The following RBM12 variants were observed in gnomAD, a reference collection of about 807,000 sequenced individuals.
The protein encoded by RBM12 is RNA-binding protein 12.
A neutral mutation model predicts 37.2 loss-of-function variants in RBM12; 24 were observed. The observed-to-expected ratio is 0.65, with a 90% CI of 0.47 to 0.91. RBM12 has a LOEUF of 0.91. Ranked by LOEUF, RBM12 falls within the 40% of genes least tolerant of loss-of-function variation. RBM12 has a pLI of 0.00. For synonymous variants in RBM12, 420 were observed against 425.2 expected (o/e 0.99, Z 0.15); for missense variants, 1,061 against 1,183.2 (o/e 0.90, Z 1.52).
rs1362703326 is a variant in RBM12 at position 35,650,120 on chromosome 20, T to G, written c.*2404A>C. The G allele has an allele frequency of 6.6e-6, 1 of 152,622 alleles. No individual in the cohort carries two copies. The highest frequency in any genetic ancestry group is 1.5e-5 in the Non-Finnish European group (1 of 68,008). The allele number at this position is 152,622 out of a possible 1,614,324, so 9.5% of individuals were successfully genotyped here. On this transcript the variant is annotated 3_prime_UTR_variant, in exon 3 of 3. Coordinates refer to ENST00000374114, the MANE Select transcript of RBM12 (RefSeq NM_006047.6). ...TATCCTTAGCAGTTAGCACTGTTAA[T>G]AAATCTCAGATACACAAAAATCAAG... is the stretch of plus-strand genomic sequence containing the variant.
intron 1 of RBM12, among the ~76,000 whole-genome samples, chr20:35,661,779 G>A (rs1163623583): frequency 6.6e-6 from 1 of 152,122 alleles, no homozygotes; most frequent in Non-Finnish European, 1.5e-5. Context: ...AAACTAAAAC[G>A]ACTATTTTCA....
At position 35,654,310 on chromosome 20, in the gene RBM12, T is replaced by C; in HGVS notation, c.1013A>G (p.His338Arg). The C allele has an allele frequency of 6.2e-7, 1 of 1,614,192 alleles. No homozygotes were observed. The highest frequency in any genetic ancestry group is 8.5e-7 in the Non-Finnish European group (1 of 1,180,028). The stretch of plus-strand genomic sequence containing the variant: ...TCCATTCCCATTATTTCGACCTACA[T>C]GATCTTTCAACAAATGCACTGCATC... ...RVDAVHLLKD[H>R]VGRNNGNGLV... The change falls in exon 3 of 3, where the codon CAT (histidine) becomes CGT (arginine). Residue 338 changes from histidine to arginine, a missense_variant. By Grantham distance (29) the His-to-Arg change is conservative. This residue lies in a region of RBM12 where 540 missense variants were observed against 632.7 expected (regional missense o/e 0.85). Transcript: ENST00000374114.
At position 35,652,527 on chromosome 20, in the gene RBM12, C is replaced by T; in HGVS notation, c.2796G>A (p.Gly932=). ...IGSRKVKLVL[G] is the part of the protein sequence containing the mutation. ...CTATAAAAAATGATGTGAATGGCTA[C>T]CCTAATACAAGTTTTACTTTTCTTG... The change falls in exon 3 of 3, where the codon GGG becomes GGA. Residue 932 remains glycine, a synonymous_variant. Coordinates refer to ENST00000374114, the MANE Select transcript of RBM12 (RefSeq NM_006047.6). The T allele has an allele frequency of 6.2e-7, 1 of 1,609,872 alleles. No homozygotes were observed. The highest frequency in any genetic ancestry group is 1.1e-5 in the South Asian group (1 of 90,472).
chr20:35,655,947 A>T (rs1221094868), intron 2 of RBM12, among the ~76,000 whole-genome samples: 1 of 152,206 alleles, frequency 6.6e-6, no homozygotes, highest in African/African-American at 2.4e-5. Context: ...ATTCATCCTA[A>T]AACTTTTCAA....
At chr20:35,659,944 G>A (rs1295441497) in intron 1 of RBM12, among the ~76,000 whole-genome samples, 1 of 152,090 alleles carries the variant, frequency 6.6e-6, no homozygotes, top group Non-Finnish European at 1.5e-5. Context: ...TTTTCCAAAT[G>A]ATGCTCATCT....
intron 1 of RBM12, among the ~76,000 whole-genome samples, chr20:35,661,666 A>G (rs1180970042): frequency 6.6e-6 from 1 of 152,228 alleles, no homozygotes; most frequent in Non-Finnish European, 1.5e-5. Context: ...AATTTAACAT[A>G]TTATGGCAAG....
At chr20:35,660,707 T>C (rs2034184663) in intron 1 of RBM12, among the ~76,000 whole-genome samples, 2 of 152,216 alleles carry the variant, frequency 1.3e-5, no homozygotes, top group Non-Finnish European at 2.9e-5. Flanking sequence ...AGGGTAACTT[T>C]CTAGTTTCTA....
Position 35,652,805 on chromosome 20 carries a change from T to C in RBM12, c.2518A>G (p.Ile840Val), listed in dbSNP as rs1227214414. Residue 840 changes from isoleucine to valine, a missense_variant, in exon 3 of 3, where the codon ATT (isoleucine) becomes GTT (valine). Physicochemically the swap from Ile to Val is conservative, Grantham distance 29. Transcript: ENST00000374114. ...GATGCAAAGCCAGGGGGACCACCAATATGGATTGGGCCAGGGCCGGGGCCG... is the reference window on the plus strand; with the variant it reads ...GATGCAAAGCCAGGGGGACCACCAACATGGATTGGGCCAGGGCCGGGGCCG... ...GPGPGPGPIH[I>V]GGPPGFASSS... 1.2e-6 allele frequency: 2 copies of C among 1,608,252 alleles called. No homozygotes were observed. The highest frequency in any genetic ancestry group is 2.7e-5 in the African/African-American group (2 of 74,698).
intron 1 of RBM12, among the ~76,000 whole-genome samples, chr20:35,662,979 T>C (rs1418275906): frequency 1.3e-5 from 2 of 152,230 alleles, no homozygotes; most frequent in East Asian, 1.9e-4. Context: ...TCACATTTAA[T>C]CGAGCATATA....
At chr20:35,662,482 A>G (rs2034284867) in intron 1 of RBM12, among the ~76,000 whole-genome samples, 1 of 152,236 alleles carries the variant, frequency 6.6e-6, no homozygotes, top group South Asian at 2.1e-4. Context: ...CCTTTACTCC[A>G]TGAACATTTA....
At chr20:35,664,331 A>C (rs1169046099) in intron 1 of RBM12, 1 of 152,270 alleles carries the variant, frequency 6.6e-6, no homozygotes, top group Non-Finnish European at 1.5e-5. Context: ...GGGTTGAAGG[A>C]GTGTCCTCAC....
chr20:35,662,666 T>C (rs1046761842), intron 1 of RBM12, among the ~76,000 whole-genome samples: 2 of 152,214 alleles, frequency 1.3e-5, no homozygotes, highest in African/African-American at 4.8e-5. Context: ...AATGGCTCTC[T>C]GCAAAATGGA....
chr20:35,654,075 C>T lies in RBM12; in HGVS notation c.1248G>A (p.Gly416=), dbSNP rs146839021. The change falls in exon 3 of 3, where the codon GGG becomes GGA. Residue 416 remains glycine, a synonymous_variant. Transcript: ENST00000374114. The stretch of plus-strand genomic sequence containing the variant: ...GTGATCTTGACCTTGATCTTTTCTG[C>T]CCACTGGGCGATTTTGACCTGGGAA... The part of the protein sequence containing the change: ...QTLPRSKSPS[G]QKRSRSRSPH... 1.2e-6 allele frequency: 2 copies of T among 1,614,068 alleles called. No homozygotes were observed. The highest frequency in any genetic ancestry group is 2.7e-5 in the African/African-American group (2 of 74,916).
rs1470267944 is a variant in RBM12 at position 35,653,050 on chromosome 20, C to T, written c.2273G>A (p.Gly758Glu). The T allele has an allele frequency of 1.2e-6, 2 of 1,613,934 alleles. No homozygotes were observed. The highest frequency in any genetic ancestry group is 1.7e-6 in the Non-Finnish European group (2 of 1,180,042). Residue 758 changes from glycine to glutamate, a missense_variant, in exon 3 of 3, where the codon GGA becomes GAA. Physicochemically the swap from Gly to Glu is moderately conservative, Grantham distance 98. Coordinates refer to ENST00000374114, the MANE Select transcript of RBM12 (RefSeq NM_006047.6). ...TCCTAGACCAGGCAAACCACTGTTT[C>T]CAACTGAAGGCATACCAGGCCTAGC... ...GDARPGMPSV[G>E]NSGLPGLGLD...
At position 35,650,995 on chromosome 20, in the gene RBM12, G is replaced by T. The variant is rs554778377; in HGVS notation, c.*1529C>A. 1 of 152,606 alleles carries T rather than the reference G, an allele frequency of 6.6e-6. No individual in the cohort carries two copies. The highest frequency in any genetic ancestry group is 2.4e-5 in the African/African-American group (1 of 41,532). 9.5% of individuals were successfully genotyped at this position (152,606 alleles called of 1,614,324 possible). ...TGATCTCTCATCTATCTCTCCTTCTGTATTGTTTATAATGTGACACATTTT... is the reference window on the plus strand; with the variant it reads ...TGATCTCTCATCTATCTCTCCTTCTTTATTGTTTATAATGTGACACATTTT... On this transcript the variant is annotated 3_prime_UTR_variant, in exon 3 of 3. Coordinates refer to ENST00000374114, the MANE Select transcript of RBM12 (RefSeq NM_006047.6).
Position 35,649,820 on chromosome 20 carries a change from A to G in RBM12, c.*2704T>C, listed in dbSNP as rs1378555333. ...AATCTAATGGAAAATATTCTCTTCC[A>G]TTAATGTCAGAGTCACCAAAAACAG... is the stretch of plus-strand genomic sequence containing the variant. On this transcript the variant is annotated 3_prime_UTR_variant, in exon 3 of 3. Transcript: ENST00000374114. 1.3e-5 allele frequency: 2 copies of G among 152,300 alleles called. No homozygotes were observed. Among genetic ancestry groups the G allele is most frequent in the Admixed American group, 1.3e-4 (2 of 15,276 alleles). The allele number at this position is 152,300 out of a possible 1,614,324, so 9.4% of individuals were successfully genotyped here. A position where few individuals can be genotyped will look rare whatever the true frequency, so the allele number is the denominator to read the frequency against.
chr20:35,652,777 C>G lies in RBM12; in HGVS notation c.2546G>C (p.Ser849Thr). Residue 849 changes from serine to threonine, a missense_variant, in exon 3 of 3, where the codon AGT (serine) becomes ACT (threonine). Physicochemically the swap from Ser to Thr is moderately conservative, Grantham distance 58 (BLOSUM62 1). Transcript: ENST00000374114. The part of the protein sequence containing the change: ...HIGGPPGFAS[S>T]SGKPGPTVIK... ...TACTGTCGGTCCTGGTTTTCCAGAA[C>G]TAGATGCAAAGCCAGGGGGACCACC... 6.2e-7 allele frequency: 1 copy of G among 1,611,450 alleles called. No individual in the cohort carries two copies. The highest frequency in any genetic ancestry group is 8.5e-7 in the Non-Finnish European group (1 of 1,178,428).
At chr20:35,660,656 G>A (rs2034182505) in intron 1 of RBM12, among the ~76,000 whole-genome samples, 2 of 152,204 alleles carry the variant, frequency 1.3e-5, no homozygotes, top group Admixed American at 1.3e-4. Flanking sequence ...ATGAAGTACT[G>A]TAATATTTAT....
At chr20:35,655,486 C>T (rs1241450253) in intron 2 of RBM12, 142 bp from the exon 3 acceptor site, 8 of 725,968 alleles carry the variant, frequency 1.1e-5, no homozygotes, top group Admixed American at 3.3e-5. Context: ...TTTAGATATT[C>T]TAAAAACTGA....
Sources: gnomAD v4.1 joint callset for allele counts (sites outside exome capture counted in the v4.1 genomes callset) on GRCh38, gnomAD v4.1.1 for gene constraint, gnomAD v4.1.1 regional missense constraint, MANE v1.5 for transcripts, NCBI Gene and HGNC (gene_info 2026-07-23, HGNC 2026-07-21) for gene names.